Variants in SYT2 observed in about 807,000 individuals in gnomAD.
The protein encoded by SYT2 is synaptotagmin-2.
In SYT2, 15 loss-of-function variants were observed where a neutral mutation model predicts 39.9. The ratio of observed to expected loss-of-function variants is 0.38; its 90% CI spans 0.25 to 0.58. SYT2 has a LOEUF of 0.58. Among genes scored for constraint, SYT2 ranks in the 20% least tolerant of loss-of-function variants. SYT2 has a pLI of 0.70. For synonymous variants in SYT2, 181 were observed against 204.5 expected, an observed-to-expected ratio of 0.89 and a Z score of 0.98; for missense variants, 389 against 530.3, an observed-to-expected ratio of 0.73 and a Z score of 2.62.
chr1:202,673,572 CCCA>C (rs1653231501), intron 1 of SYT2, among the ~76,000 whole-genome samples: 1 of 152,176 alleles, frequency 6.6e-6, no homozygotes, highest in Non-Finnish European at 1.5e-5. Context: ...ATCCTTAGGT[CCCA>C]ACAGCTCCAG....
chr1:202,690,442 C>T (rs1653791153), intron 1 of SYT2, among the ~76,000 whole-genome samples: 2 of 152,208 alleles, frequency 1.3e-5, no homozygotes, highest in Non-Finnish European at 2.9e-5. Flanking sequence ...CCTGCTCCAG[C>T]GCCATTCTAG....
intron 1 of SYT2, among the ~76,000 whole-genome samples, chr1:202,630,680 G>A (rs954258320): frequency 8.5e-5 from 13 of 152,294 alleles, no homozygotes; most frequent in Non-Finnish European, 7.4e-5. Flanking sequence ...CTCCAGAGAC[G>A]CCATCATCTG....
intron 1 of SYT2, among the ~76,000 whole-genome samples, chr1:202,695,281 G>C (rs1372889433): frequency 6.6e-6 from 1 of 152,144 alleles, no homozygotes; most frequent in African/African-American, 2.4e-5. Flanking sequence ...AGGACACAAA[G>C]AACCCTTGGG....
intron 1 of SYT2, among the ~76,000 whole-genome samples, chr1:202,619,952 G>A (rs770555154): frequency 3.9e-5 from 6 of 152,190 alleles, no homozygotes; most frequent in African/African-American, 1.2e-4. Context: ...GGTAGTAAGT[G>A]ACCTGCCCAA....
intron 1 of SYT2, among the ~76,000 whole-genome samples, chr1:202,683,883 G>A (rs1446725392): frequency 6.6e-6 from 1 of 152,076 alleles, no homozygotes; most frequent in Admixed American, 6.6e-5. Context: ...CTAGAGTGCT[G>A]GTGATGTTCT....
chr1:202,698,116 C>CCCT (rs1024712469), intron 1 of SYT2, among the ~76,000 whole-genome samples: 4 of 150,300 alleles, frequency 2.7e-5, no homozygotes, highest in South Asian at 4.3e-4. Context: ...CTCACCACCC[C>CCCT]CCCAAGGAAA....
At chr1:202,651,514 A>G (rs1019293989) in intron 1 of SYT2, among the ~76,000 whole-genome samples, 7 of 152,176 alleles carry the variant, frequency 4.6e-5, no homozygotes, top group Admixed American at 1.3e-4. Context: ...CTCATAAATC[A>G]TACAGGAAAA....
At chr1:202,615,390 TTGGGGTCATCCTTCCCATCCATG>T (rs1222213526) in intron 1 of SYT2, among the ~76,000 whole-genome samples, 1 of 152,114 alleles carries the variant, frequency 6.6e-6, no homozygotes, top group Admixed American at 6.5e-5. Flanking sequence ...ACCAGAAGCC[TTGGGGTCATCCTTCCCATCCATG>T]TGGGGTCACC....
intron 1 of SYT2, among the ~76,000 whole-genome samples, chr1:202,621,419 C>T (rs1691199412): frequency 6.6e-6 from 1 of 152,212 alleles, no homozygotes; most frequent in African/African-American, 2.4e-5. Flanking sequence ...ACCTCAGCCT[C>T]CCAAGGAGCT....
chr1:202,680,470 G>A (rs1653496946), intron 1 of SYT2, among the ~76,000 whole-genome samples: 1 of 152,176 alleles, frequency 6.6e-6, no homozygotes, highest in Admixed American at 6.5e-5. Flanking sequence ...GAGCCCAAGA[G>A]GATGAGGCTG....
intron 1 of SYT2, among the ~76,000 whole-genome samples, chr1:202,704,336 AGAG>A (rs1212399721): frequency 2.6e-5 from 4 of 152,222 alleles, no homozygotes; most frequent in African/African-American, 9.6e-5. Flanking sequence ...CCAGGCTGAT[AGAG>A]GAGACACGGT....
intron 1 of SYT2, among the ~76,000 whole-genome samples, chr1:202,659,477 G>A (rs112538965): frequency 0.019 from 2,856 of 152,260 alleles, 103 homozygotes; most frequent in African/African-American, 0.066. Context: ...GAAAGAGAGC[G>A]GCAAAAAGAG....
rs1283800163 is a variant in SYT2 at position 202,600,423 on chromosome 1, C to T, written c.853G>A (p.Gly285Arg). The stretch of plus-strand genomic sequence containing the variant: ...TCCAGGATGCAGACAGTGAGCTTCC[C>T]GGCCGTGGGCACATAGCGCAGGGAG... ...CTSLRYVPTA[G>R]KLTVCILEAK... The change falls in exon 7 of 9, where the codon GGG (glycine) becomes AGG (arginine). Residue 285 changes from glycine (G) to arginine (R), a missense_variant. Coordinates refer to ENST00000367268, the MANE Select transcript of SYT2 (RefSeq NM_177402.5). The T allele has an allele frequency of 3.7e-6, 6 of 1,614,210 alleles. No individual in the cohort carries two copies. The highest frequency in any genetic ancestry group is 2.2e-5 in the East Asian group (1 of 44,876).
At chr1:202,624,683 AGT>A (rs770696478) in intron 1 of SYT2, among the ~76,000 whole-genome samples, 5 of 20,482 alleles carry the variant, frequency 2.4e-4, no homozygotes, top group Admixed American at 1.1e-3. Context: ...GGTGTTTAGT[AGT>A]GTGTGTTGCG....
At chr1:202,634,531 A>C (rs1034077120) in intron 1 of SYT2, among the ~76,000 whole-genome samples, 1 of 152,190 alleles carries the variant, frequency 6.6e-6, no homozygotes, top group African/African-American at 2.4e-5. Context: ...AATCCTAGGC[A>C]TATACCCGAG....
At chr1:202,597,098 C>T in intron 8 of SYT2, 135 bp from the exon 9 acceptor site, 1 of 709,916 alleles carries the variant, frequency 1.4e-6, no homozygotes, top group Non-Finnish European at 2.4e-6. Flanking sequence ...CATCTCTGCT[C>T]CAGTGAAGAC....
chr1:202,591,081 G>C lies in SYT2; in HGVS notation c.*5676C>G, dbSNP rs569286083. On this transcript the variant is annotated 3_prime_UTR_variant, in exon 9 of 9. Transcript: ENST00000367268. ...GGAGAGTGGGAGGGCCCCAGAGAGAGCTGGAGGAAGCAAGACATGTCTTCA... is the reference window on the plus strand; with the variant it reads ...GGAGAGTGGGAGGGCCCCAGAGAGACCTGGAGGAAGCAAGACATGTCTTCA... The C allele has an allele frequency of 1.3e-5, 2 of 152,382 alleles. No individual in the cohort carries two copies. The highest frequency in any genetic ancestry group is 3.9e-4 in the East Asian group (2 of 5,174). The allele number at this position is 152,382 out of a possible 1,614,324, so 9.4% of individuals were successfully genotyped here.
chr1:202,613,962 G>A (rs1690959552), intron 1 of SYT2, among the ~76,000 whole-genome samples: 1 of 152,166 alleles, frequency 6.6e-6, no homozygotes, highest in Admixed American at 6.5e-5. Flanking sequence ...AATAAATTTG[G>A]TTGTGTCTGG....
At chr1:202,651,727 G>C (rs1261185612) in intron 1 of SYT2, among the ~76,000 whole-genome samples, 2 of 152,194 alleles carry the variant, frequency 1.3e-5, no homozygotes, top group Non-Finnish European at 2.9e-5. Flanking sequence ...TTTCCATGCA[G>C]ATATTATTCT....
Sources: gnomAD v4.1 joint callset for allele counts (sites outside exome capture counted in the v4.1 genomes callset) on GRCh38, gnomAD v4.1.1 for gene constraint, MANE v1.5 for transcripts, NCBI Gene and HGNC (gene_info 2026-07-23, HGNC 2026-07-21) for gene names.